Variants in TMEM232 observed in about 807,000 individuals in gnomAD.
TMEM232 encodes transmembrane protein 232.
A neutral mutation model predicts 78.8 loss-of-function variants in TMEM232; 80 were observed. The ratio of observed to expected loss-of-function variants is 1.01; its 90% CI spans 0.85 to 1.22. The LOEUF (loss-of-function observed/expected upper bound fraction) is 1.22, where lower values mean the gene tolerates loss of function less well. Ranked by LOEUF, TMEM232 falls within the 50% of genes most tolerant of loss-of-function variation. The pLI is 0.00. For synonymous variants in TMEM232, 297 were observed against 254.3 expected (o/e 1.17, Z -1.60); for missense variants, 881 against 742.2 (o/e 1.19, Z -2.17).
At chr5:110,617,892 A>G (rs1783140234) in intron 8 of TMEM232, 1 of 154,482 alleles carries the variant, frequency 6.5e-6, no homozygotes, top group Non-Finnish European at 1.4e-5. Context: ...GGTGCCAGCT[A>G]CTTGGGAGGC....
At chr5:110,466,495 T>G (rs1762090239) in intron 12 of TMEM232, among the ~76,000 whole-genome samples, 1 of 152,202 alleles carries the variant, frequency 6.6e-6, no homozygotes, top group African/African-American at 2.4e-5. Context: ...TTCCATGAGT[T>G]TATTTACTCA....
intron 12 of TMEM232, among the ~76,000 whole-genome samples, chr5:110,493,193 T>A (rs1219614764): frequency 6.6e-6 from 1 of 152,032 alleles, no homozygotes; most frequent in East Asian, 1.9e-4. Flanking sequence ...ATTTTGAAAT[T>A]TATAATTTGA....
At chr5:110,668,405 T>A (rs1428980700) in intron 1 of TMEM232, among the ~76,000 whole-genome samples, 1 of 152,146 alleles carries the variant, frequency 6.6e-6, no homozygotes, top group African/African-American at 2.4e-5. Context: ...TCACTCTCCT[T>A]GCGTGCTCCA....
chr5:110,712,397 G>GA (rs1048698495), intron 1 of TMEM232, among the ~76,000 whole-genome samples: 5 of 151,596 alleles, frequency 3.3e-5, no homozygotes, highest in South Asian at 2.1e-4. Context: ...AACTCTATAG[G>GA]AAAAAAAATC....
At chr5:110,737,478 A>C (rs1196716990) in intron 1 of TMEM232, among the ~76,000 whole-genome samples, 1 of 152,160 alleles carries the variant, frequency 6.6e-6, no homozygotes, top group African/African-American at 2.4e-5. Flanking sequence ...CTCCATCAGA[A>C]AGTTATGTTT....
At chr5:110,466,086 G>A (rs541208850) in intron 12 of TMEM232, among the ~76,000 whole-genome samples, 1 of 152,096 alleles carries the variant, frequency 6.6e-6, no homozygotes, top group Non-Finnish European at 1.5e-5. Context: ...ATTGAATATA[G>A]CTGTTTGGAT....
chr5:110,447,135 A>ACAT (rs1477560857), intron 12 of TMEM232, among the ~76,000 whole-genome samples: 1 of 150,448 alleles, frequency 6.6e-6, no homozygotes, highest in East Asian at 1.9e-4. Flanking sequence ...ATATATATAC[A>ACAT]CATACATATA....
chr5:110,399,410 C>G (rs1755509269), intron 2 of TMEM232, among the ~76,000 whole-genome samples: 1 of 152,024 alleles, frequency 6.6e-6, no homozygotes, highest in African/African-American at 2.4e-5. Flanking sequence ...TTTTTTTAAA[C>G]AAAAACTTTT....
intron 11 of TMEM232, among the ~76,000 whole-genome samples, chr5:110,553,164 T>C (rs747861251): frequency 1.8e-4 from 28 of 152,192 alleles, no homozygotes; most frequent in Non-Finnish European, 3.5e-4. Flanking sequence ...TGTAGTTGGG[T>C]AGTGTAATCC....
chr5:110,537,701 C>A (rs11749760), intron 11 of TMEM232, among the ~76,000 whole-genome samples: 1 of 152,186 alleles, frequency 6.6e-6, no homozygotes, highest in Admixed American at 6.6e-5. Context: ...TCCCTGCAGC[C>A]CTGTTACTCC....
At chr5:110,493,543 G>A (rs1310551806) in intron 12 of TMEM232, among the ~76,000 whole-genome samples, 3 of 152,030 alleles carry the variant, frequency 2.0e-5, no homozygotes, top group African/African-American at 7.2e-5. Context: ...ATGGAAATTT[G>A]ATATGCAATA....
intron 12 of TMEM232, among the ~76,000 whole-genome samples, chr5:110,524,337 AAAAGAAAGAGAAAGAAAGAAAG>A (rs1561622851): frequency 6.4e-4 from 92 of 144,784 alleles, no homozygotes; most frequent in African/African-American, 2.3e-3. Context: ...GGGAGAGAGA[AAAAGAAAGAGAAAGAAAGAAAG>A]AAAAAAAGAA....
intron 1 of TMEM232, among the ~76,000 whole-genome samples, chr5:110,684,314 G>C (rs1467114005): frequency 1.3e-5 from 2 of 151,874 alleles, no homozygotes; most frequent in African/African-American, 4.8e-5. Context: ...TGAAGAATCT[G>C]TACAAACAAA....
chr5:110,452,537 G>A (rs1361810398), intron 12 of TMEM232, among the ~76,000 whole-genome samples: 1 of 135,042 alleles, frequency 7.4e-6, no homozygotes, highest in South Asian at 2.3e-4. Flanking sequence ...TGACCCATGA[G>A]GAGATGCAAA....
At chr5:110,582,648 G>A (rs868632606) in intron 10 of TMEM232, among the ~76,000 whole-genome samples, 1 of 151,894 alleles carries the variant, frequency 6.6e-6, no homozygotes, top group South Asian at 2.1e-4. Context: ...AGTCCTGAAA[G>A]TGCTAGCCAG....
intron 1 of TMEM232, among the ~76,000 whole-genome samples, chr5:110,669,825 A>C (rs894280497): frequency 1.3e-4 from 20 of 152,238 alleles, no homozygotes; most frequent in African/African-American, 4.6e-4. Context: ...GGCTGGTTCA[A>C]TATACGCAAA....
chr5:110,575,312 G>A (rs1356948415), intron 10 of TMEM232, among the ~76,000 whole-genome samples: 1 of 151,936 alleles, frequency 6.6e-6, no homozygotes, highest in East Asian at 1.9e-4. Flanking sequence ...CCCATATTTT[G>A]TTGTAGGTAA....
chr5:110,607,070 A>G (rs1189085234), intron 8 of TMEM232, among the ~76,000 whole-genome samples: 4 of 152,028 alleles, frequency 2.6e-5, no homozygotes, highest in African/African-American at 9.6e-5. Flanking sequence ...TTTCAGGCCC[A>G]TAAGTTCAAG....
chr5:110,551,778 T>C (rs1320034434), intron 11 of TMEM232, among the ~76,000 whole-genome samples: 5 of 152,038 alleles, frequency 3.3e-5, no homozygotes, highest in Non-Finnish European at 2.9e-5. Context: ...TAATTTAAAA[T>C]GAAGAACTAT....
Sources: gnomAD v4.1 joint callset for allele counts (sites outside exome capture counted in the v4.1 genomes callset) on GRCh38, gnomAD v4.1.1 for gene constraint, MANE v1.5 for transcripts, NCBI Gene and HGNC (gene_info 2026-07-23, HGNC 2026-07-21) for gene names.